The following ANKS1B variants were observed in gnomAD, a reference collection of about 807,000 sequenced individuals.
ANKS1B encodes the protein ankyrin repeat and sterile alpha motif domain-containing protein 1B.
ANKS1B carries 36 observed loss-of-function variants against 148.3 expected under a neutral mutation model. The ratio of observed to expected loss-of-function variants is 0.24; its 90% CI spans 0.19 to 0.32. The LOEUF is 0.32. ANKS1B is among the 10% of genes least tolerant of loss of function. The pLI, the probability that ANKS1B is intolerant of heterozygous loss-of-function variation, is 1.00. For missense variants in ANKS1B, 1,157 were observed against 1,542.6 expected, an observed-to-expected ratio of 0.75 and a Z score of 4.19; for synonymous variants, 542 against 560.8, an observed-to-expected ratio of 0.97 and a Z score of 0.47.
At chr12:99,001,416 A>AC (rs1338583602) in intron 17 of ANKS1B, among the ~76,000 whole-genome samples, 5 of 152,206 alleles carry the variant, frequency 3.3e-5, no homozygotes, top group South Asian at 2.1e-4. Flanking sequence ...GGCATGAGCC[A>AC]CCATGCCAGG....
At chr12:99,077,321 G>T (rs548280738) in intron 16 of ANKS1B, among the ~76,000 whole-genome samples, 1 of 152,152 alleles carries the variant, frequency 6.6e-6, no homozygotes, top group South Asian at 2.1e-4. Flanking sequence ...AACACTGAGT[G>T]GCAGTGAGTT....
At chr12:99,445,528 T>C (rs1427971059) in intron 10 of ANKS1B, among the ~76,000 whole-genome samples, 3 of 152,008 alleles carry the variant, frequency 2.0e-5, no homozygotes, top group Admixed American at 6.6e-5. Flanking sequence ...GATGTGTCCA[T>C]GTAGTTTCAT....
rs1326531431 is a variant in ANKS1B, at chr12:98,838,894, T to C, written c.2779-6758A>G. The stretch of plus-strand genomic sequence containing the variant: ...AAATTGCAAATAATTGTCAAAGTTT[T>C]CCCCCCTGCCTGATAACAATTTCTA... On this transcript the variant is annotated intron_variant, in intron 17 of 26. Transcript: ENST00000683438. Among the ~76,000 whole-genome samples the C allele has an allele frequency of 3.9e-5, 6 of 152,174 alleles. No homozygotes were observed. In the South Asian group the frequency reaches 6.2e-4, roughly 16 times the overall value.
At chr12:99,581,113 CAAAGAACAATATTGGG>C (rs2153228517) in intron 9 of ANKS1B, among the ~76,000 whole-genome samples, 1 of 152,060 alleles carries the variant, frequency 6.6e-6, no homozygotes, top group Non-Finnish European at 1.5e-5. Flanking sequence ...AACAATTTGA[CAAAGAACAATATTGGG>C]AAATTAACAC....
intron 12 of ANKS1B, among the ~76,000 whole-genome samples, chr12:99,350,720 C>G (rs1242883199): frequency 6.6e-6 from 1 of 152,052 alleles, no homozygotes; most frequent in Non-Finnish European, 1.5e-5. Flanking sequence ...GTTTTAACAT[C>G]AACTGATGTT....
At chr12:99,665,913 A>G (rs1046910211) in intron 8 of ANKS1B, among the ~76,000 whole-genome samples, 10 of 152,152 alleles carry the variant, frequency 6.6e-5, no homozygotes, top group African/African-American at 2.4e-4. Flanking sequence ...ATATTTTCCT[A>G]TATTTTCTTC....
intron 12 of ANKS1B, among the ~76,000 whole-genome samples, chr12:99,254,489 G>A (rs919558672): frequency 2.6e-5 from 4 of 152,128 alleles, no homozygotes; most frequent in African/African-American, 4.8e-5. Flanking sequence ...GAACTGGCAC[G>A]CTATTACTTC....
chr12:99,461,776 G>A (rs144310863), intron 10 of ANKS1B, among the ~76,000 whole-genome samples: 2,829 of 152,076 alleles, frequency 0.019, 36 homozygotes, highest in Middle Eastern at 0.041. Flanking sequence ...TTCTACTTAC[G>A]TAATCTTTGC....
intron 8 of ANKS1B, among the ~76,000 whole-genome samples, chr12:99,675,374 T>A (rs1312622629): frequency 6.6e-6 from 1 of 152,002 alleles, no homozygotes; most frequent in Admixed American, 6.6e-5. Context: ...TATTTAAAGA[T>A]CTTTAAAATC....
chr12:99,531,300 T>G (rs2096987516), intron 9 of ANKS1B, among the ~76,000 whole-genome samples: 1 of 152,206 alleles, frequency 6.6e-6, no homozygotes, highest in South Asian at 2.1e-4. Flanking sequence ...TTACTTTTTA[T>G]TTCAATAGCT....
Position 99,198,009 on chromosome 12 carries a change from T to C in ANKS1B, c.2420-43614A>G, listed in dbSNP as rs549489314. 1.8e-3 allele frequency among the ~76,000 whole-genome samples: 274 copies of C among 152,248 alleles called. 2 individuals are homozygous for C. The highest frequency in any genetic ancestry group is 6.6e-3 in the African/African-American group (273 of 41,564). On this transcript the variant is annotated intron_variant, in intron 14 of 26. Coordinates refer to ENST00000683438, the MANE Select transcript of ANKS1B (RefSeq NM_001352186.2). ...TATCTTCCACATCTATCTTCCACAC[T>C]GATGCACCCCGCTCAATCCCAGCCC...
chr12:99,693,234 A>G (rs1019193333), intron 8 of ANKS1B, among the ~76,000 whole-genome samples: 11 of 152,250 alleles, frequency 7.2e-5, no homozygotes, highest in African/African-American at 2.2e-4. Flanking sequence ...AAAAAATAAA[A>G]TACATTAGGT....
At chr12:99,302,771 T>C (rs981163320) in intron 12 of ANKS1B, among the ~76,000 whole-genome samples, 2 of 152,280 alleles carry the variant, frequency 1.3e-5, no homozygotes, top group African/African-American at 4.8e-5. Flanking sequence ...TTTCCTCTCT[T>C]ATGCAAGTAT....
chr12:99,401,486 T>C (rs2094402218), intron 11 of ANKS1B, among the ~76,000 whole-genome samples: 1 of 146,702 alleles, frequency 6.8e-6, no homozygotes, highest in Admixed American at 6.8e-5. Context: ...CCATTTCTAA[T>C]TGTTTCTTAA....
intron 4 of ANKS1B, among the ~76,000 whole-genome samples, chr12:99,783,386 G>A (rs575950794): frequency 7.2e-5 from 11 of 152,020 alleles, no homozygotes; most frequent in African/African-American, 2.7e-4. Flanking sequence ...ACTGCATATC[G>A]CTAGCCTGAG....
intron 15 of ANKS1B, among the ~76,000 whole-genome samples, chr12:99,141,249 T>C (rs2070651557): frequency 6.6e-6 from 1 of 152,134 alleles, no homozygotes; most frequent in Non-Finnish European, 1.5e-5. Flanking sequence ...CGTACTCCCA[T>C]TATCAGAAAA....
intron 14 of ANKS1B, among the ~76,000 whole-genome samples, chr12:99,177,573 G>A (rs2078557800): frequency 6.6e-6 from 1 of 152,202 alleles, no homozygotes; most frequent in Non-Finnish European, 1.5e-5. Flanking sequence ...AGGGACACAA[G>A]CTTTTGCTTA....
chr12:98,757,676 C>T (rs1055387434), intron 25 of ANKS1B, among the ~76,000 whole-genome samples: 1 of 152,224 alleles, frequency 6.6e-6, no homozygotes, highest in African/African-American at 2.4e-5. Context: ...ATGCTCTCAT[C>T]TCCAGTTACT....
intron 11 of ANKS1B, among the ~76,000 whole-genome samples, chr12:99,436,925 C>T (rs1451653674): frequency 2.0e-5 from 3 of 151,884 alleles, no homozygotes; most frequent in African/African-American, 4.8e-5. Flanking sequence ...TGCTATGGTC[C>T]CTCCTTAGCT....
Sources: gnomAD v4.1 joint callset for allele counts (sites outside exome capture counted in the v4.1 genomes callset) on GRCh38, gnomAD v4.1.1 for gene constraint, MANE v1.5 for transcripts, NCBI Gene and HGNC (gene_info 2026-07-23, HGNC 2026-07-21) for gene names.